The following ZNF804B variants were observed in gnomAD, a reference collection of about 807,000 sequenced individuals.
ZNF804B encodes the protein zinc finger protein 804B.
Under a neutral mutation model 101.4 loss-of-function variants are expected in ZNF804B, and 80 were observed. That is an observed-to-expected ratio of 0.79 (90% CI 0.66 to 0.95). The LOEUF is 0.95. Ranked by LOEUF, ZNF804B falls within the 40% of genes least tolerant of loss-of-function variation. ZNF804B has a pLI of 0.00. For synonymous variants in ZNF804B, 622 were observed against 558.8 expected (o/e 1.11, Z -1.59); for missense variants, 1,673 against 1,561.9 (o/e 1.07, Z -1.20).
intron 1 of ZNF804B, among the ~76,000 whole-genome samples, chr7:89,205,360 A>G (rs1388059033): frequency 1.3e-5 from 2 of 152,180 alleles, no homozygotes; most frequent in Non-Finnish European, 2.9e-5. Flanking sequence ...TCATTCCAGC[A>G]TTAACCCAAA....
At chr7:89,099,708 G>A (rs967122695) in intron 1 of ZNF804B, among the ~76,000 whole-genome samples, 10 of 152,162 alleles carry the variant, frequency 6.6e-5, no homozygotes, top group African/African-American at 2.2e-4. Flanking sequence ...GGGGTTTTGA[G>A]GTAAGCCATC....
At chr7:88,905,410 T>G (rs1792454438) in intron 1 of ZNF804B, among the ~76,000 whole-genome samples, 1 of 151,924 alleles carries the variant, frequency 6.6e-6, no homozygotes, top group African/African-American at 2.4e-5. Context: ...CAGGCTGGAG[T>G]GCAGTAACAC....
intron 1 of ZNF804B, among the ~76,000 whole-genome samples, chr7:89,055,493 C>T (rs1420344329): frequency 3.3e-5 from 5 of 151,764 alleles, no homozygotes; most frequent in South Asian, 2.1e-4. Flanking sequence ...GTGGGCCTAG[C>T]GCAAGAGGAA....
At chr7:88,851,442 G>C (rs893989443) in intron 1 of ZNF804B, among the ~76,000 whole-genome samples, 4 of 151,980 alleles carry the variant, frequency 2.6e-5, no homozygotes, top group African/African-American at 7.2e-5. Flanking sequence ...GATTTCTTTG[G>C]AAACAATGCA....
intron 1 of ZNF804B, among the ~76,000 whole-genome samples, chr7:88,900,394 C>T (rs1792370514): frequency 6.6e-6 from 1 of 151,424 alleles, no homozygotes; most frequent in African/African-American, 2.4e-5. Flanking sequence ...TTTAAAAAAG[C>T]ATGTAGAACA....
chr7:89,270,445 A>G (rs960309364), intron 2 of ZNF804B, among the ~76,000 whole-genome samples: 1 of 152,170 alleles, frequency 6.6e-6, no homozygotes, highest in Non-Finnish European at 1.5e-5. Context: ...TGGTACCAGT[A>G]TCATGCTGTT....
At chr7:89,121,018 A>G (rs1413113570) in intron 1 of ZNF804B, among the ~76,000 whole-genome samples, 13 of 152,190 alleles carry the variant, frequency 8.5e-5, no homozygotes, top group African/African-American at 3.1e-4. Flanking sequence ...GTCATCATAA[A>G]ATGTGCTCCT....
chr7:89,096,364 A>G (rs896368930), intron 1 of ZNF804B, among the ~76,000 whole-genome samples: 2 of 152,116 alleles, frequency 1.3e-5, no homozygotes, highest in Admixed American at 6.5e-5. Context: ...GAGAATAATC[A>G]TAAAGGAAAG....
rs570202524 is a variant in ZNF804B at position 88,971,026 on chromosome 7, TA to T, written c.108+210952del. On this transcript the variant is annotated intron_variant, in intron 1 of 3. Transcript: ENST00000333190. ...ATAAATAAAATAAAGAATAAAAAAA[TA>T]AAAAAAAAACAGCCTTGCCTATTAT... is the stretch of plus-strand genomic sequence containing the variant. Among the ~76,000 whole-genome samples, 80 of 145,790 alleles carry T rather than the reference TA, an allele frequency of 5.5e-4. 1 individual carries two copies. The highest frequency in any genetic ancestry group is 1.5e-3 in the African/African-American group (61 of 39,792).
At chr7:89,327,580 T>C in intron 3 of ZNF804B, 106 bp downstream of exon 3, 1 of 1,421,914 alleles carries the variant, frequency 7.0e-7, no homozygotes, top group African/African-American at 1.5e-5. Context: ...AACTAACTAA[T>C]AGATATGTCT....
At chr7:89,142,318 TG>T (rs1790729802) in intron 1 of ZNF804B, among the ~76,000 whole-genome samples, 1 of 152,000 alleles carries the variant, frequency 6.6e-6, no homozygotes, top group African/African-American at 2.4e-5. Flanking sequence ...TTGTTGTTGT[TG>T]TTGTTTGTTT....
At chr7:89,135,589 A>T (rs1430610540) in intron 1 of ZNF804B, among the ~76,000 whole-genome samples, 2 of 151,590 alleles carry the variant, frequency 1.3e-5, no homozygotes, top group Non-Finnish European at 1.5e-5. Context: ...TACACAAGCC[A>T]TTAGATGTGT....
intron 1 of ZNF804B, among the ~76,000 whole-genome samples, chr7:88,832,004 C>G (rs1791141665): frequency 6.6e-6 from 1 of 151,632 alleles, no homozygotes; most frequent in Admixed American, 6.6e-5. Flanking sequence ...TGAAGGAAAG[C>G]CTTTTTCTAA....
intron 1 of ZNF804B, among the ~76,000 whole-genome samples, chr7:88,817,036 G>A (rs1790890879): frequency 6.6e-6 from 1 of 151,874 alleles, no homozygotes; most frequent in Non-Finnish European, 1.5e-5. Flanking sequence ...TATACACCAT[G>A]GAATACTATG....
intron 1 of ZNF804B, among the ~76,000 whole-genome samples, chr7:88,764,777 A>G (rs1001326111): frequency 6.6e-6 from 1 of 152,152 alleles, no homozygotes; most frequent in African/African-American, 2.4e-5. Context: ...AAAGTGATGC[A>G]CTTTTCAAGT....
chr7:89,242,208 C>T (rs1789382535), intron 2 of ZNF804B, among the ~76,000 whole-genome samples: 1 of 151,900 alleles, frequency 6.6e-6, no homozygotes, highest in Non-Finnish European at 1.5e-5. Context: ...TGCATACTGA[C>T]ACTCAACTGT....
intron 1 of ZNF804B, among the ~76,000 whole-genome samples, chr7:89,115,792 C>T (rs1240051474): frequency 6.6e-6 from 1 of 152,072 alleles, no homozygotes; most frequent in African/African-American, 2.4e-5. Context: ...TAGCCTATTG[C>T]AAACATATTC....
intron 2 of ZNF804B, among the ~76,000 whole-genome samples, chr7:89,276,718 G>A (rs1038207180): frequency 1.3e-5 from 2 of 151,660 alleles, no homozygotes; most frequent in African/African-American, 4.9e-5. Context: ...CTCTTTAATG[G>A]ATATTTGACT....
chr7:88,887,505 C>T (rs1205437769), intron 1 of ZNF804B, among the ~76,000 whole-genome samples: 1 of 152,070 alleles, frequency 6.6e-6, no homozygotes. Context: ...GCCAGTTACC[C>T]CAGCACCATT....
Sources: allele counts gnomAD v4.1 joint callset (sites outside exome capture counted in the v4.1 genomes callset), GRCh38; gene constraint gnomAD v4.1.1; transcripts MANE v1.5; gene names NCBI Gene and HGNC (gene_info 2026-07-23, HGNC 2026-07-21).